FRAS1: variants seen among roughly 807,000 people sequenced by gnomAD.
FRAS1 encodes the protein extracellular matrix organizing protein FRAS1.
In FRAS1, 290 loss-of-function variants were observed where a neutral mutation model predicts 435.2. That is an observed-to-expected ratio of 0.67 (90% confidence interval 0.61 to 0.73). The LOEUF (loss-of-function observed/expected upper bound fraction) is 0.73. Among genes scored for constraint, FRAS1 ranks in the 30% least tolerant of loss-of-function variants. The pLI, the probability that FRAS1 is intolerant of heterozygous loss-of-function variation, is 0.00. For missense variants in FRAS1, 4,860 were observed against 5,001.5 expected, an observed-to-expected ratio of 0.97 and a Z score of 0.85; for synonymous variants, 1,800 against 1,851.0, an observed-to-expected ratio of 0.97 and a Z score of 0.71.
chr4:78,375,388 C>A (rs1368883585), intron 25 of FRAS1, among the ~76,000 whole-genome samples: 2 of 152,170 alleles, frequency 1.3e-5, no homozygotes, highest in African/African-American at 2.4e-5. Context: ...GATTGTTAAA[C>A]AGAACTTGCC....
intron 2 of FRAS1, among the ~76,000 whole-genome samples, chr4:78,207,163 A>G (rs1023935934): frequency 6.6e-5 from 10 of 152,232 alleles, no homozygotes; most frequent in Admixed American, 4.6e-4. Flanking sequence ...GCCTTGTAAT[A>G]CAATCCTTGC....
At chr4:78,497,164 G>T (rs114325153) in intron 60 of FRAS1, among the ~76,000 whole-genome samples, 1 of 152,100 alleles carries the variant, frequency 6.6e-6, no homozygotes, top group Non-Finnish European at 1.5e-5. Flanking sequence ...TAATATCATT[G>T]TTCCCTACCA....
chr4:78,541,162 T>C lies in FRAS1; in HGVS notation c.*38T>C. 7.7e-6 allele frequency: 9 copies of C among 1,174,258 alleles called. No individual in the cohort carries two copies. Among genetic ancestry groups the C allele is most frequent in the Admixed American group, 3.5e-5 (1 of 28,732 alleles). The allele number at this position is 1,174,258 out of a possible 1,614,324, so 72.7% of individuals were successfully genotyped here. A position where few individuals can be genotyped will look rare whatever the true frequency, so the allele number is the denominator to read the frequency against. On this transcript the variant is annotated 3_prime_UTR_variant, in exon 74 of 74. Transcript: ENST00000512123. ...ATGTGTATTTTTTTCTAAAATCATT[T>C]TTATAAAATGGGGGGAAATACTGGT...
At chr4:78,416,602 G>A (rs565186597) in intron 32 of FRAS1, among the ~76,000 whole-genome samples, 1 of 152,272 alleles carries the variant, frequency 6.6e-6, no homozygotes, top group Non-Finnish European at 1.5e-5. Flanking sequence ...GACAAGTTGA[G>A]TCTGGGATAT....
intron 2 of FRAS1, among the ~76,000 whole-genome samples, chr4:78,161,284 G>A (rs932558689): frequency 4.6e-5 from 7 of 152,220 alleles, no homozygotes; most frequent in African/African-American, 1.2e-4. Flanking sequence ...AGCAGTGTGA[G>A]CTAGTTTGCA....
chr4:78,103,998 G>A (rs1206769384), intron 2 of FRAS1, among the ~76,000 whole-genome samples: 1 of 152,180 alleles, frequency 6.6e-6, no homozygotes, highest in East Asian at 1.9e-4. Context: ...GGGACCAGTA[G>A]AATGCAACAT....
intron 50 of FRAS1, among the ~76,000 whole-genome samples, chr4:78,467,645 C>T (rs1719575505): frequency 6.6e-6 from 1 of 152,296 alleles, no homozygotes; most frequent in African/African-American, 2.4e-5. Context: ...TGAGGAACCT[C>T]CAAACTGTTC....
At chr4:78,156,353 C>G (rs1720883114) in intron 2 of FRAS1, among the ~76,000 whole-genome samples, 1 of 149,830 alleles carries the variant, frequency 6.7e-6, no homozygotes, top group East Asian at 1.9e-4. Flanking sequence ...CTGCCTATCT[C>G]TTTGACAGGA....
intron 29 of FRAS1, among the ~76,000 whole-genome samples, chr4:78,387,982 G>A (rs1183901500): frequency 6.6e-6 from 1 of 152,104 alleles, no homozygotes; most frequent in Non-Finnish European, 1.5e-5. Flanking sequence ...TCTCCTGCCT[G>A]AGCATAACCA....
intron 2 of FRAS1, chr4:78,070,532 C>T (rs1740289894): frequency 6.6e-6 from 1 of 152,118 alleles, no homozygotes. Flanking sequence ...GGGTGTGTTT[C>T]TTACTCCATA....
chr4:78,433,707 T>G (rs1734300432), intron 38 of FRAS1, among the ~76,000 whole-genome samples: 1 of 152,214 alleles, frequency 6.6e-6, no homozygotes, highest in Non-Finnish European at 1.5e-5. Context: ...CAGGTGATTT[T>G]TACTGTAAGT....
At chr4:78,154,019 A>AGCAGAAATTTTTATTTC (rs1720779378) in intron 2 of FRAS1, among the ~76,000 whole-genome samples, 1 of 152,050 alleles carries the variant, frequency 6.6e-6, no homozygotes, top group Non-Finnish European at 1.5e-5. Flanking sequence ...ATTTTTGTTC[A>AGCAGAAATTTTTATTTC]GCAGAAATTT....
chr4:78,095,283 A>G lies in FRAS1; in HGVS notation c.108+29267A>G, dbSNP rs116135996. ...TGTAGGAAAAAAAGACTATTTCCAG[A>G]TGGCCTATTACATTGACAGCTCTAA... On this transcript the variant is annotated intron_variant, in intron 2 of 73. Transcript: ENST00000512123. Among the ~76,000 whole-genome samples, 648 of 152,328 alleles carry G rather than the reference A, an allele frequency of 4.3e-3. 3 individuals are homozygous for G. Among genetic ancestry groups the G allele is most frequent in the Non-Finnish European group, 6.9e-3 (470 of 68,032 alleles).
At chr4:78,204,302 G>A (rs1024007628) in intron 2 of FRAS1, among the ~76,000 whole-genome samples, 1 of 152,156 alleles carries the variant, frequency 6.6e-6, no homozygotes, top group Admixed American at 6.5e-5. Flanking sequence ...CATGAATAAT[G>A]AGAATCAGCT....
chr4:78,116,136 A>G lies in FRAS1; in HGVS notation c.108+50120A>G, dbSNP rs1230182039. Among the ~76,000 whole-genome samples, 7 of 152,210 alleles carry G rather than the reference A, an allele frequency of 4.6e-5. No individual in the cohort carries two copies. In the East Asian group the frequency reaches 1.2e-3, roughly 25 times the overall value. On this transcript the variant is annotated intron_variant, in intron 2 of 73. Transcript: ENST00000512123. ...TTATTCATTTTCCATGTAGTTGAGC[A>G]GTTTTGAGTGAGTGTCTTAATCCTG...
chr4:78,380,082 C>G, intron 27 of FRAS1, 86 bp downstream of exon 27: 3 of 1,418,732 alleles, frequency 2.1e-6, no homozygotes, highest in Non-Finnish European at 2.9e-6. Context: ...CTCTCTGTCT[C>G]AATAGCTAAC....
intron 2 of FRAS1, among the ~76,000 whole-genome samples, chr4:78,104,292 A>G (rs1265951400): frequency 6.6e-6 from 1 of 152,334 alleles, no homozygotes; most frequent in Admixed American, 6.5e-5. Flanking sequence ...TAATGTTAAC[A>G]TGTTTGCTCC....
At chr4:78,429,869 C>T (rs1734144889) in intron 36 of FRAS1, among the ~76,000 whole-genome samples, 1 of 152,146 alleles carries the variant, frequency 6.6e-6, no homozygotes, top group Non-Finnish European at 1.5e-5. Context: ...AACCCTGCAC[C>T]TCACCTTTGT....
At chr4:78,061,517 G>A (rs1021492201) in intron 1 of FRAS1, among the ~76,000 whole-genome samples, 6 of 152,128 alleles carry the variant, frequency 3.9e-5, no homozygotes, top group South Asian at 2.1e-4. Flanking sequence ...TCCCACAAAC[G>A]CTGAATCCCG....
Sources: gnomAD v4.1 joint callset for allele counts (sites outside exome capture counted in the v4.1 genomes callset) on GRCh38, gnomAD v4.1.1 for gene constraint, MANE v1.5 for transcripts, NCBI Gene and HGNC (gene_info 2026-07-23, HGNC 2026-07-21) for gene names.